The following GTF2A1L variants were observed in gnomAD, a reference collection of about 807,000 sequenced individuals.
GTF2A1L encodes the protein TFIIA-alpha and beta-like factor.
Under a neutral mutation model 49.7 loss-of-function variants are expected in GTF2A1L, and 48 were observed. The observed-to-expected ratio is 0.97, with a 90% confidence interval of 0.77 to 1.23. The LOEUF (loss-of-function observed/expected upper bound fraction) is 1.23. Ranked by LOEUF, GTF2A1L falls within the 50% of genes most tolerant of loss-of-function variation. The pLI is 0.00. For missense variants in GTF2A1L, 736 were observed against 564.8 expected (o/e 1.30, Z -3.07); for synonymous variants, 246 against 193.5 (o/e 1.27, Z -2.25).
intron 7 of GTF2A1L, among the ~76,000 whole-genome samples, chr2:48,671,353 C>T (rs143231615): frequency 5.9e-5 from 9 of 151,794 alleles, no homozygotes; most frequent in Non-Finnish European, 1.2e-4. Context: ...CAGGTGTGTG[C>T]CACCATGCCA....
At chr2:48,673,316 T>A (rs1339235664) in intron 8 of GTF2A1L, among the ~76,000 whole-genome samples, 1 of 150,664 alleles carries the variant, frequency 6.6e-6, no homozygotes. Flanking sequence ...CAAGAGAAAA[T>A]CATTCAAATT....
intron 3 of GTF2A1L, among the ~76,000 whole-genome samples, chr2:48,639,311 C>T (rs1339145731): frequency 6.6e-6 from 1 of 152,128 alleles, no homozygotes; most frequent in Admixed American, 6.5e-5. Flanking sequence ...TACTACAGGG[C>T]CACAGTAACC....
At position 48,628,164 on chromosome 2, in the gene GTF2A1L, G is replaced by T. The variant is rs1168916852; in HGVS notation, c.247+6874G>T. 1.6e-4 allele frequency among the ~76,000 whole-genome samples: 23 copies of T among 144,010 alleles called. 5 individuals carry two copies. The allele number at this position is 144,010 out of a possible 152,430, so 94.5% of individuals were successfully genotyped here. On this transcript the variant is annotated intron_variant, in intron 3 of 8. Transcript: ENST00000403751. ...GGATTGGTTGCATGTCATTGCTGTTGTGAATAGTACTGTGATGAACATGGG... is the reference window on the plus strand; with the variant it reads ...GGATTGGTTGCATGTCATTGCTGTTTTGAATAGTACTGTGATGAACATGGG...
intron 3 of GTF2A1L, among the ~76,000 whole-genome samples, chr2:48,639,706 T>C (rs1210872657): frequency 2.0e-5 from 3 of 152,182 alleles, no homozygotes; most frequent in Admixed American, 6.5e-5. Context: ...AAGTGAGATC[T>C]AATTAAACTT....
chr2:48,621,334 C>G, intron 3 of GTF2A1L, 44 bp downstream of exon 3: 1 of 1,612,418 alleles, frequency 6.2e-7, no homozygotes, highest in Non-Finnish European at 8.5e-7. Flanking sequence ...ATCTTCAGAA[C>G]AAATTCTCAT....
At chr2:48,674,627 TA>T (rs929677454) in intron 8 of GTF2A1L, among the ~76,000 whole-genome samples, 4 of 152,070 alleles carry the variant, frequency 2.6e-5, no homozygotes, top group African/African-American at 4.8e-5. Context: ...TTGCCTTCTA[TA>T]AAAAAACATT....
At chr2:48,619,037 G>C (rs988620757) in intron 1 of GTF2A1L, among the ~76,000 whole-genome samples, 5 of 152,182 alleles carry the variant, frequency 3.3e-5, no homozygotes, top group Non-Finnish European at 5.9e-5. Context: ...AACTGTTTTA[G>C]AAGAAGCACC....
chr2:48,670,102 C>T, intron 7 of GTF2A1L, 120 bp downstream of exon 7: 1 of 1,401,018 alleles, frequency 7.1e-7, no homozygotes, highest in Non-Finnish European at 9.4e-7. Flanking sequence ...TGAAATAAGA[C>T]TTATTTGGGG....
intron 8 of GTF2A1L, among the ~76,000 whole-genome samples, chr2:48,675,720 A>G (rs777427504): frequency 1.3e-5 from 2 of 151,998 alleles, no homozygotes; most frequent in African/African-American, 2.4e-5. Context: ...TGAATATCCT[A>G]TATCTTCGTT....
chr2:48,670,129 A>T, intron 7 of GTF2A1L, 147 bp downstream of exon 7: 3 of 1,235,786 alleles, frequency 2.4e-6, no homozygotes, highest in Non-Finnish European at 3.2e-6. Flanking sequence ...ACGGTGGCTC[A>T]CACATGTAAT....
chr2:48,662,266 A>T (rs1283917638), intron 6 of GTF2A1L, among the ~76,000 whole-genome samples: 2 of 152,218 alleles, frequency 1.3e-5, no homozygotes, highest in African/African-American at 2.4e-5. Context: ...CTTTTAAATG[A>T]TGTAGAAGAA....
At chr2:48,668,318 CA>C (rs1460564383) in intron 6 of GTF2A1L, among the ~76,000 whole-genome samples, 1 of 152,056 alleles carries the variant, frequency 6.6e-6, no homozygotes, top group African/African-American at 2.4e-5. Flanking sequence ...TATGGATTTC[CA>C]AAACAACCAG....
chr2:48,647,538 T>A (rs1165610800), intron 6 of GTF2A1L, among the ~76,000 whole-genome samples: 1 of 152,078 alleles, frequency 6.6e-6, no homozygotes, highest in Non-Finnish European at 1.5e-5. Context: ...TGGAATGTTT[T>A]GAGATAATTA....
At position 48,668,837 on chromosome 2, in the gene GTF2A1L, AAAATAAATAAAT is replaced by A. The variant is rs10529379; in HGVS notation, c.979-867_979-856del. Among the ~76,000 whole-genome samples the A allele has an allele frequency of 2.7e-5, 4 of 150,342 alleles. No homozygotes were observed. In the South Asian group the frequency reaches 6.3e-4, roughly 24 times the overall value. On this transcript the variant is annotated intron_variant, in intron 6 of 8. Transcript: ENST00000403751. ...GCGACAGAGCGAGACCCCGCCTCAA[AAAATAAATAAAT>A]AAATAAATAAATAAATACACAAATA...
intron 6 of GTF2A1L, among the ~76,000 whole-genome samples, chr2:48,649,655 A>T (rs75184573): frequency 0.018 from 2,733 of 152,338 alleles, 80 homozygotes; most frequent in African/African-American, 0.061. Context: ...GTAAATGCTC[A>T]GTGCATGTTA....
chr2:48,662,979 G>C (rs902381182), intron 6 of GTF2A1L, among the ~76,000 whole-genome samples: 1 of 151,908 alleles, frequency 6.6e-6, no homozygotes, highest in Non-Finnish European at 1.5e-5. Context: ...TATTACCTGG[G>C]TGATGAAATT....
chr2:48,672,914 T>A (rs1249785110), intron 8 of GTF2A1L, among the ~76,000 whole-genome samples: 1 of 152,218 alleles, frequency 6.6e-6, no homozygotes, highest in Non-Finnish European at 1.5e-5. Context: ...AACCCCATAC[T>A]TTTTGTTTCT....
intron 6 of GTF2A1L, among the ~76,000 whole-genome samples, chr2:48,658,470 T>C (rs1442858469): frequency 6.6e-6 from 1 of 152,234 alleles, no homozygotes; most frequent in Non-Finnish European, 1.5e-5. Flanking sequence ...TGTGTCTGTT[T>C]TTGTACCAGT....
intron 3 of GTF2A1L, among the ~76,000 whole-genome samples, chr2:48,622,592 G>T (rs1223452060): frequency 6.6e-6 from 1 of 152,114 alleles, no homozygotes; most frequent in Non-Finnish European, 1.5e-5. Context: ...AGGCCGAGGT[G>T]GGTGGATCAC....
Sources: allele counts gnomAD v4.1 joint callset (sites outside exome capture counted in the v4.1 genomes callset), GRCh38; gene constraint gnomAD v4.1.1; transcripts MANE v1.5; gene names NCBI Gene and HGNC (gene_info 2026-07-23, HGNC 2026-07-21).